The following RARS2 variants were observed in gnomAD, a reference collection of about 807,000 sequenced individuals.
RARS2 encodes the protein arginyl-tRNA synthetase 2, mitochondrial.
In RARS2, 67 loss-of-function variants were observed where a neutral mutation model predicts 88.5. The observed-to-expected ratio is 0.76, with a 90% CI of 0.62 to 0.93. RARS2 has a LOEUF of 0.93. Ranked by LOEUF, RARS2 falls within the 40% of genes least tolerant of loss-of-function variation. The pLI is 0.00. For missense variants in RARS2, 664 were observed against 684.2 expected, an observed-to-expected ratio of 0.97 and a Z score of 0.33; for synonymous variants, 239 against 230.3, an observed-to-expected ratio of 1.04 and a Z score of -0.34.
rs1250023060 is a variant in RARS2 at position 87,555,388 on chromosome 6, T to A, written c.395+20A>T. ...CCAGTCAACTTGATTAAGCAACACA[T>A]AAAAGGGGTGCACCCTCACCTGAAT... On this transcript the variant is annotated intron_variant, in intron 5 of 19. Coordinates refer to ENST00000369536, the MANE Select transcript of RARS2 (RefSeq NM_020320.5). 1 of 1,590,724 alleles carries A rather than the reference T, an allele frequency of 6.3e-7. No individual in the cohort carries two copies. The highest frequency in any genetic ancestry group is 8.6e-7 in the Non-Finnish European group (1 of 1,159,048).
rs55999428 is a variant in RARS2, at chr6:87,576,274, C to CTTTTT, written c.37-6689_37-6685dup. ...TTACAGGTATAATAAACACAAATTT[C>CTTTTT]TTTTTTTTTTTTTTTTTTTTGAGAC... is the stretch of plus-strand genomic sequence containing the variant. On this transcript the variant is annotated intron_variant, in intron 1 of 19. Coordinates refer to ENST00000369536, the MANE Select transcript of RARS2 (RefSeq NM_020320.5). 4.6e-4 allele frequency among the ~76,000 whole-genome samples: 37 copies of CTTTTT among 80,786 alleles called. 2 individuals are homozygous for CTTTTT. The highest frequency in any genetic ancestry group is 1.5e-3 in the African/African-American group (27 of 18,128). The allele number at this position is 80,786 out of a possible 152,430, so 53.0% of individuals were successfully genotyped here. A position where few individuals can be genotyped will look rare whatever the true frequency, so the allele number is the denominator to read the frequency against.
chr6:87,520,456 T>C (rs1178923761), intron 12 of RARS2, among the ~76,000 whole-genome samples, 200 bp from the exon 13 acceptor site: 2 of 152,140 alleles, frequency 1.3e-5, no homozygotes, highest in African/African-American at 2.4e-5. Context: ...ATAAGAGCCA[T>C]ACAACTCCAC....
At position 87,518,756 on chromosome 6, in the gene RARS2, A is replaced by G; in HGVS notation, c.1306-17T>C. 1.2e-6 allele frequency: 2 copies of G among 1,612,704 alleles called. No individual in the cohort carries two copies. The highest frequency in any genetic ancestry group is 1.7e-6 in the Non-Finnish European group (2 of 1,178,650). On this transcript the variant is annotated splice_polypyrimidine_tract_variant and intron_variant, in intron 15 of 19. Coordinates refer to ENST00000369536, the MANE Select transcript of RARS2 (RefSeq NM_020320.5). ...TTTGAAGTCCTAAAACGACAGAGGA[A>G]ATCTTCACTGCTGGGATTTGCTCTA...
At chr6:87,551,282 G>T (rs139166366) in intron 5 of RARS2, among the ~76,000 whole-genome samples, 1 of 152,084 alleles carries the variant, frequency 6.6e-6, no homozygotes, top group African/African-American at 2.4e-5. Flanking sequence ...TGGGACTTTT[G>T]TTAAATTACT....
intron 19 of RARS2, 142 bp from the exon 20 acceptor site, chr6:87,514,641 G>T: frequency 2.6e-6 from 2 of 779,682 alleles, no homozygotes; most frequent in East Asian, 2.7e-5. Context: ...ATAGGCAAGA[G>T]AAGATAAATT....
At chr6:87,516,152 C>T (rs1277795358) in intron 18 of RARS2, among the ~76,000 whole-genome samples, 1 of 151,022 alleles carries the variant, frequency 6.6e-6, no homozygotes, top group East Asian at 1.9e-4. Context: ...AATGGCTTTA[C>T]AGAAGATACA....
chr6:87,526,520 A>T (rs969219977), intron 10 of RARS2, among the ~76,000 whole-genome samples: 1 of 151,994 alleles, frequency 6.6e-6, no homozygotes, highest in African/African-American at 2.4e-5. Context: ...TGTCTTAAAA[A>T]AAAAAACAAA....
At chr6:87,522,333 T>TAAAAAAA (rs34710568) in intron 11 of RARS2, among the ~76,000 whole-genome samples, 8 of 88,726 alleles carry the variant, frequency 9.0e-5, no homozygotes, top group South Asian at 4.3e-4. Flanking sequence ...CCGTCTCAAT[T>TAAAAAAA]AAAAAAAAAA....
intron 4 of RARS2, among the ~76,000 whole-genome samples, chr6:87,561,767 A>G (rs1388664498): frequency 2.6e-5 from 4 of 152,184 alleles, no homozygotes; most frequent in Non-Finnish European, 5.9e-5. Context: ...TCTCACTAAG[A>G]TTCAGATCCT....
intron 6 of RARS2, among the ~76,000 whole-genome samples, chr6:87,547,171 A>T (rs555603346): frequency 2.8e-4 from 42 of 152,348 alleles, no homozygotes; most frequent in African/African-American, 9.4e-4. Flanking sequence ...AACTGGTCCA[A>T]ATATTTCCCT....
At chr6:87,546,438 G>A (rs1562156073) in intron 6 of RARS2, among the ~76,000 whole-genome samples, 1 of 152,140 alleles carries the variant, frequency 6.6e-6, no homozygotes, top group East Asian at 1.9e-4. Context: ...GTGACACCAT[G>A]AACAGAGGTC....
intron 16 of RARS2, 126 bp downstream of exon 16, chr6:87,518,504 C>G: frequency 7.9e-7 from 1 of 1,267,920 alleles, no homozygotes; most frequent in Admixed American, 2.2e-5. Flanking sequence ...AGAAGGTCTA[C>G]TCTAGTCAGA....
chr6:87,584,007 C>T (rs1345950051), intron 1 of RARS2, among the ~76,000 whole-genome samples: 2 of 152,142 alleles, frequency 1.3e-5, no homozygotes, highest in Admixed American at 6.5e-5. Flanking sequence ...AACATTTCTG[C>T]GTATGTAAAC....
At position 87,570,348 on chromosome 6, in the gene RARS2, A is replaced by G. The variant is rs1255414675; in HGVS notation, c.37-758T>C. Among the ~76,000 whole-genome samples the G allele has an allele frequency of 4.6e-5, 7 of 152,360 alleles. No individual in the cohort carries two copies. The East Asian group carries it at 1.3e-3, about 29-fold the overall frequency. On this transcript the variant is annotated intron_variant, in intron 1 of 19. Transcript: ENST00000369536. ...AAGCTCCTCGCACGACTGTTAATAC[A>G]TAGCCAAAGTTGTGAACTATTACCC... is the stretch of plus-strand genomic sequence containing the variant.
intron 1 of RARS2, among the ~76,000 whole-genome samples, chr6:87,577,763 T>C (rs1480969069): frequency 6.6e-6 from 1 of 152,196 alleles, no homozygotes; most frequent in African/African-American, 2.4e-5. Context: ...GAAAATTATA[T>C]CATTTGTGAG....
chr6:87,576,097 G>GCCAACA (rs1554219362), intron 1 of RARS2, among the ~76,000 whole-genome samples: 42 of 121,536 alleles, frequency 3.5e-4, no homozygotes, highest in Middle Eastern at 4.3e-3. Flanking sequence ...AATGCGCCCA[G>GCCAACA]CTGGATAAGT....
chr6:87,562,982 T>G (rs1788325610), intron 3 of RARS2, among the ~76,000 whole-genome samples, 197 bp from the exon 4 acceptor site: 1 of 152,148 alleles, frequency 6.6e-6, no homozygotes, highest in Non-Finnish European at 1.5e-5. Context: ...TTTTCCCAAC[T>G]AACATGCTAT....
At chr6:87,521,443 C>G in intron 12 of RARS2, 21 bp downstream of exon 12, 1 of 1,559,398 alleles carries the variant, frequency 6.4e-7, no homozygotes, top group Non-Finnish European at 8.8e-7. Flanking sequence ...GAGATCATAA[C>G]TTTTTGTTCT....
chr6:87,543,177 CCTGTAAACCCAGCTA>C (rs1187755567), intron 7 of RARS2, among the ~76,000 whole-genome samples: 1 of 151,894 alleles, frequency 6.6e-6, no homozygotes, highest in African/African-American at 2.4e-5. Flanking sequence ...GTGGCACATG[CCTGTAAACCCAGCTA>C]CCAGGGAAAG....
Sources: allele counts gnomAD v4.1 joint callset (sites outside exome capture counted in the v4.1 genomes callset), GRCh38; gene constraint gnomAD v4.1.1; transcripts MANE v1.5; gene names NCBI Gene and HGNC (gene_info 2026-07-23, HGNC 2026-07-21).